Variants in SUGCT observed in about 807,000 individuals in gnomAD.
SUGCT encodes the protein succinyl-CoA:glutarate-CoA transferase.
SUGCT carries 41 observed loss-of-function variants against 55.0 expected under a neutral mutation model. That is an observed-to-expected ratio of 0.74 (90% CI 0.58 to 0.97). The LOEUF is 0.97. Ranked by LOEUF, SUGCT falls within the 50% of genes least tolerant of loss-of-function variation. SUGCT has a pLI of 0.00. For synonymous variants in SUGCT, 187 were observed against 200.4 expected (o/e 0.93, Z 0.56); for missense variants, 568 against 547.8 (o/e 1.04, Z -0.37).
the SUGCT span, among the ~76,000 whole-genome samples, chr7:41,005,100 T>C: frequency 1.3e-5 from 2 of 152,146 alleles, no homozygotes; most frequent in South Asian, 4.1e-4. Flanking sequence ...CCTGGGTGCA[T>C]GTGATGTGCG....
At chr7:40,929,716 C>G in the SUGCT span, among the ~76,000 whole-genome samples, 2 of 152,194 alleles carry the variant, frequency 1.3e-5, no homozygotes, top group Non-Finnish European at 2.9e-5. Context: ...GCATAAATGT[C>G]TTCTTTTGAG....
At chr7:40,834,857 A>G (rs1792877531) in intron 13 of SUGCT, among the ~76,000 whole-genome samples, 1 of 152,208 alleles carries the variant, frequency 6.6e-6, no homozygotes, top group Non-Finnish European at 1.5e-5. Context: ...GCCTGTAACA[A>G]GTGTTTTGAC....
chr7:40,773,047 T>G (rs1293133011), intron 13 of SUGCT, among the ~76,000 whole-genome samples: 1 of 152,156 alleles, frequency 6.6e-6, no homozygotes, highest in East Asian at 1.9e-4. Context: ...TTATGAATAT[T>G]AATTTTTTAT....
intron 6 of SUGCT, among the ~76,000 whole-genome samples, chr7:40,216,227 C>A (rs768866019): frequency 6.6e-6 from 1 of 151,426 alleles, no homozygotes; most frequent in South Asian, 2.1e-4. Flanking sequence ...TGGGGCTGGG[C>A]GTGGTAGCTC....
chr7:40,548,747 AAC>A (rs1407764857), intron 12 of SUGCT, among the ~76,000 whole-genome samples: 3 of 152,132 alleles, frequency 2.0e-5, no homozygotes, highest in Admixed American at 6.5e-5. Flanking sequence ...ATGGATTTAA[AAC>A]AGTGTATAAT....
chr7:40,663,147 C>G (rs547540867), intron 12 of SUGCT, among the ~76,000 whole-genome samples: 4 of 152,158 alleles, frequency 2.6e-5, no homozygotes, highest in Non-Finnish European at 5.9e-5. Flanking sequence ...TATCTTCATA[C>G]TGCAATGAAG....
chr7:40,665,672 A>T (rs1348969223), intron 12 of SUGCT, among the ~76,000 whole-genome samples: 1 of 151,508 alleles, frequency 6.6e-6, no homozygotes, highest in African/African-American at 2.4e-5. Flanking sequence ...ATTACTCTCT[A>T]TAGAGTGGGG....
intron 12 of SUGCT, among the ~76,000 whole-genome samples, chr7:40,693,098 G>A (rs112126709): frequency 3.3e-5 from 5 of 152,066 alleles, no homozygotes; most frequent in East Asian, 1.9e-4. Context: ...CCTTATCTCC[G>A]CCCTAGTAGC....
chr7:40,964,301 A>G, the SUGCT span, among the ~76,000 whole-genome samples: 2 of 152,380 alleles, frequency 1.3e-5, no homozygotes, highest in East Asian at 3.9e-4. Flanking sequence ...AAAGGGAAAC[A>G]GAAAGGAACT....
intron 6 of SUGCT, among the ~76,000 whole-genome samples, chr7:40,207,483 T>C (rs576047363): frequency 3.2e-4 from 48 of 152,186 alleles, no homozygotes; most frequent in Non-Finnish European, 5.3e-4. Context: ...GTAAAATGGT[T>C]CAGCCCCTAT....
intron 5 of SUGCT, among the ~76,000 whole-genome samples, chr7:40,192,036 A>C (rs886955662): frequency 1.4e-5 from 2 of 138,224 alleles, no homozygotes; most frequent in South Asian, 4.8e-4. Context: ...TGAACCCGAC[A>C]GGCGGAGGTT....
chr7:40,897,671 A>G, the SUGCT span, among the ~76,000 whole-genome samples: 1 of 152,146 alleles, frequency 6.6e-6, no homozygotes, highest in East Asian at 1.9e-4. Flanking sequence ...GGTGGCTCCA[A>G]CTGAGCTTGA....
the SUGCT span, among the ~76,000 whole-genome samples, chr7:40,933,602 T>A: frequency 6.6e-6 from 1 of 152,220 alleles, no homozygotes; most frequent in South Asian, 2.1e-4. Flanking sequence ...TTTCACATAA[T>A]CCCATATTTC....
intron 12 of SUGCT, among the ~76,000 whole-genome samples, chr7:40,602,160 T>A (rs1798323239): frequency 1.3e-5 from 2 of 152,136 alleles, no homozygotes; most frequent in Non-Finnish European, 2.9e-5. Context: ...AGATTATAGG[T>A]CAACCCTCAA....
At chr7:40,216,330 C>T (rs1040630854) in intron 6 of SUGCT, among the ~76,000 whole-genome samples, 3 of 150,894 alleles carry the variant, frequency 2.0e-5, no homozygotes, top group Non-Finnish European at 3.0e-5. Flanking sequence ...GGTGAAACCC[C>T]GTCTCTACAA....
chr7:40,145,192 AG>A (rs1418028872), intron 1 of SUGCT, among the ~76,000 whole-genome samples: 1 of 152,196 alleles, frequency 6.6e-6, no homozygotes, highest in African/African-American at 2.4e-5. Context: ...CTTTTAATGT[AG>A]GTAAAAATCT....
chr7:40,939,066 A>T, the SUGCT span, among the ~76,000 whole-genome samples: 1 of 152,168 alleles, frequency 6.6e-6, no homozygotes, highest in East Asian at 1.9e-4. Context: ...GCTGATAAAG[A>T]CCCGAGACAG....
At position 40,273,092 on chromosome 7, in the gene SUGCT, T is replaced by C. The variant is rs138436121; in HGVS notation, c.577-1421T>C. 3.3e-5 allele frequency among the ~76,000 whole-genome samples: 5 copies of C among 152,302 alleles called. No homozygotes were observed. In the East Asian group the frequency reaches 9.7e-4, roughly 29 times the overall value. ...TAAGACATTAAATAATTTTAAATTC[T>C]AATGACAAATTTAATTTTAAGTGTA... On this transcript the variant is annotated intron_variant, in intron 7 of 13. Transcript: ENST00000335693.
Position 40,703,157 on chromosome 7 carries a change from C to T in SUGCT, c.1090-46277C>T, listed in dbSNP as rs552687106. On this transcript the variant is annotated intron_variant, in intron 12 of 13. Coordinates refer to ENST00000335693, the MANE Select transcript of SUGCT (RefSeq NM_001193313.2). ...TCAGCTCACTGCAAACTCCGCCTCTCGGGTTCAAGTGATTCTCCTGCCTCA... is the reference window on the plus strand; with the variant it reads ...TCAGCTCACTGCAAACTCCGCCTCTTGGGTTCAAGTGATTCTCCTGCCTCA... Among the ~76,000 whole-genome samples, 98 of 151,076 alleles carry T rather than the reference C, an allele frequency of 6.5e-4. No homozygotes were observed. The East Asian group carries it at 0.015, about 23-fold the overall frequency.
Sources: gnomAD v4.1 joint callset for allele counts (sites outside exome capture counted in the v4.1 genomes callset) on GRCh38, gnomAD v4.1.1 for gene constraint, MANE v1.5 for transcripts, NCBI Gene and HGNC (gene_info 2026-07-23, HGNC 2026-07-21) for gene names.